DNAH6: variants seen among roughly 807,000 people sequenced by gnomAD.
DNAH6 encodes axonemal beta dynein heavy chain 6.
DNAH6 carries 340 observed loss-of-function variants against 491.4 expected under a neutral mutation model. The ratio of observed to expected loss-of-function variants is 0.69; its 90% CI spans 0.63 to 0.76. The LOEUF (loss-of-function observed/expected upper bound fraction) is 0.76, where lower values mean the gene tolerates loss of function less well. DNAH6 is among the 30% of genes least tolerant of loss of function. The pLI, the probability that DNAH6 is intolerant of heterozygous loss-of-function variation, is 0.00. For synonymous variants in DNAH6, 1,603 were observed against 1,686.1 expected (o/e 0.95, Z 1.21); for missense variants, 4,443 against 4,972.2 (o/e 0.89, Z 3.20).
chr2:84,685,490 C>T lies in DNAH6; in HGVS notation c.7063+18C>T. Reference sequence around the variant, plus strand: ...AATGGCCAGTAAATATGAATCTTTACCTATTCTTTTTTTTATTTGAGTAGA... The same window carrying T: ...AATGGCCAGTAAATATGAATCTTTATCTATTCTTTTTTTTATTTGAGTAGA... On this transcript the variant is annotated intron_variant, in intron 43 of 76. Transcript: ENST00000389394. The T allele has an allele frequency of 1.5e-6, 2 of 1,375,682 alleles. No individual in the cohort carries two copies. Among genetic ancestry groups the T allele is most frequent in the South Asian group, 1.9e-5 (1 of 53,922 alleles). The allele number at this position is 1,375,682 out of a possible 1,614,324, so 85.2% of individuals were successfully genotyped here.
chr2:84,767,757 A>T (rs991413736), intron 64 of DNAH6, among the ~76,000 whole-genome samples: 3 of 152,060 alleles, frequency 2.0e-5, no homozygotes, highest in African/African-American at 7.2e-5. Flanking sequence ...ATAAACAATG[A>T]CTGAGAATTT....
chr2:84,591,580 A>T (rs1684118785), intron 16 of DNAH6, among the ~76,000 whole-genome samples: 1 of 152,206 alleles, frequency 6.6e-6, no homozygotes, highest in Non-Finnish European at 1.5e-5. Flanking sequence ...TTTCCCAATG[A>T]CATTTTCTAA....
At chr2:84,518,094 G>A (rs983610050) in intron 2 of DNAH6, 43 bp downstream of exon 2, 4 of 1,448,080 alleles carry the variant, frequency 2.8e-6, no homozygotes, top group Non-Finnish European at 2.8e-6. Flanking sequence ...AGCCACAGAG[G>A]AAGTTGTAAA....
chr2:84,571,058 G>A lies in DNAH6; in HGVS notation c.1804-2409G>A, dbSNP rs1443446415. 1.3e-5 allele frequency among the ~76,000 whole-genome samples: 2 copies of A among 152,228 alleles called. 1 individual carries two copies. Among genetic ancestry groups the A allele is most frequent in the South Asian group, 4.1e-4 (2 of 4,824 alleles). ...ACCGGAAGGAACCAATTCTGGACAC[G>A]CTGGGACAATTTGATCACTACCAAA... On this transcript the variant is annotated intron_variant, in intron 11 of 76. Coordinates refer to ENST00000389394, the MANE Select transcript of DNAH6 (RefSeq NM_001370.2).
rs900075159 is a variant in DNAH6 at position 84,699,515 on chromosome 2, C to G, written c.7678-79C>G. 27 of 1,256,366 alleles carry G rather than the reference C, an allele frequency of 2.1e-5. No individual in the cohort carries two copies. In the South Asian group the frequency reaches 3.0e-4, roughly 14 times the overall value. The allele number at this position is 1,256,366 out of a possible 1,614,324, so 77.8% of individuals were successfully genotyped here. ...ATTTTATATTTGATATTGGGAGCCT[C>G]AGATGCATTAGCCAACACTTATTTT... On this transcript the variant is annotated intron_variant, in intron 47 of 76. Coordinates refer to ENST00000389394, the MANE Select transcript of DNAH6 (RefSeq NM_001370.2).
intron 63 of DNAH6, among the ~76,000 whole-genome samples, chr2:84,752,133 C>G (rs1167571754): frequency 6.6e-6 from 1 of 152,102 alleles, no homozygotes; most frequent in Non-Finnish European, 1.5e-5. Flanking sequence ...TGTTGAAAAC[C>G]ATAGAGAAAC....
At chr2:84,817,158 C>T (rs565283582) in intron 76 of DNAH6, among the ~76,000 whole-genome samples, 4 of 151,028 alleles carry the variant, frequency 2.6e-5, no homozygotes, top group African/African-American at 9.7e-5. Flanking sequence ...CTAGATATAC[C>T]AAAGTGATAC....
At chr2:84,756,572 C>T (rs1412516299) in intron 63 of DNAH6, among the ~76,000 whole-genome samples, 5 of 152,172 alleles carry the variant, frequency 3.3e-5, no homozygotes, top group Non-Finnish European at 5.9e-5. Context: ...TCACCTAATA[C>T]ACTATAGCTT....
At position 84,536,415 on chromosome 2, in the gene DNAH6, C is replaced by T. The variant is rs142934516; in HGVS notation, c.662+7249C>T. On this transcript the variant is annotated intron_variant, in intron 4 of 76. Transcript: ENST00000389394. The stretch of plus-strand genomic sequence containing the variant: ...GACAGCAAAAATTCAACTTGGGAAA[C>T]GTAATGTTTAAAATGGTTCTCATGA... Among the ~76,000 whole-genome samples the T allele has an allele frequency of 2.9e-3, 437 of 152,092 alleles. 3 individuals carry two copies. The highest frequency in any genetic ancestry group is 0.01 in the African/African-American group (418 of 41,544).
chr2:84,574,864 C>T (rs1028482728), intron 12 of DNAH6, among the ~76,000 whole-genome samples: 1 of 152,210 alleles, frequency 6.6e-6, no homozygotes, highest in Admixed American at 6.5e-5. Flanking sequence ...TCCTAGCCTC[C>T]TGCTACCACA....
intron 45 of DNAH6, among the ~76,000 whole-genome samples, chr2:84,690,319 T>C (rs1211295432): frequency 1.3e-5 from 2 of 152,240 alleles, no homozygotes; most frequent in Non-Finnish European, 2.9e-5. Context: ...GATTTATGTT[T>C]GTCACAGCTT....
chr2:84,569,449 T>A (rs1681556130), intron 11 of DNAH6, among the ~76,000 whole-genome samples: 1 of 152,046 alleles, frequency 6.6e-6, no homozygotes, highest in Non-Finnish European at 1.5e-5. Flanking sequence ...AAGTGACTAT[T>A]TTCTGAGTAT....
At chr2:84,611,420 C>T (rs1389381296) in intron 21 of DNAH6, among the ~76,000 whole-genome samples, 1 of 152,000 alleles carries the variant, frequency 6.6e-6, no homozygotes. Context: ...GTATTTTAAT[C>T]ATGTTTCTCT....
chr2:84,607,021 T>A lies in DNAH6; in HGVS notation c.3220T>A (p.Ser1074Thr). The change falls in exon 21 of 77, where the codon TCA becomes ACA. Residue 1074 changes from serine to threonine, a missense_variant. Ser to Thr is a moderately conservative substitution (Grantham distance 58). Coordinates refer to ENST00000389394, the MANE Select transcript of DNAH6 (RefSeq NM_001370.2). ...CATCAATGTTGCAACTCTTGCCTCATCACGTTACCTTGGTCCACTGAAAAC... is the reference window on the plus strand; with the variant it reads ...CATCAATGTTGCAACTCTTGCCTCAACACGTTACCTTGGTCCACTGAAAAC... ...STINVATLAS[S>T]RYLGPLKTRV... is the part of the protein sequence containing the mutation. The A allele has an allele frequency of 6.4e-7, 1 of 1,551,510 alleles. No homozygotes were observed. Among genetic ancestry groups the A allele is most frequent in the East Asian group, 2.4e-5 (1 of 40,898 alleles).
At chr2:84,468,858 A>T in the DNAH6 span, among the ~76,000 whole-genome samples, 1 of 152,182 alleles carries the variant, frequency 6.6e-6, no homozygotes, top group Admixed American at 6.5e-5. Flanking sequence ...GAAGGCAGAG[A>T]CCAAGAGAAA....
Position 84,706,989 on chromosome 2 carries a change from G to A in DNAH6, c.8821G>A (p.Asp2941Asn). ...AATACAGGCCTTACAAGATGAATAT[G>A]ACAAAGGTGTAAATGAAAAAGAAAG... ...DQIQALQDEY[D>N]KGVNEKESLA... Residue 2941 changes from aspartate to asparagine, a missense_variant, in exon 53 of 77, where the codon GAC becomes AAC. This residue lies in a region of DNAH6 where 1,463 missense variants were observed against 1,656.6 expected (regional missense o/e 0.88). Coordinates refer to ENST00000389394, the MANE Select transcript of DNAH6 (RefSeq NM_001370.2). The A allele has an allele frequency of 1.3e-6, 2 of 1,528,698 alleles. No individual in the cohort carries two copies. Among genetic ancestry groups the A allele is most frequent in the Non-Finnish European group, 1.8e-6 (2 of 1,142,036 alleles). The allele number at this position is 1,528,698 out of a possible 1,614,324, so 94.7% of individuals were successfully genotyped here. A position where few individuals can be genotyped will look rare whatever the true frequency, so the allele number is the denominator to read the frequency against.
intron 11 of DNAH6, among the ~76,000 whole-genome samples, chr2:84,563,840 A>G (rs930936864): frequency 6.6e-6 from 1 of 152,198 alleles, no homozygotes; most frequent in Non-Finnish European, 1.5e-5. Flanking sequence ...TTGTACATTT[A>G]AATCTTTAAT....
intron 10 of DNAH6, among the ~76,000 whole-genome samples, chr2:84,556,972 C>A (rs1461762683): frequency 6.6e-6 from 1 of 152,202 alleles, no homozygotes; most frequent in Non-Finnish European, 1.5e-5. Context: ...TTAAGGGTTT[C>A]TCTAATTAGT....
chr2:84,783,547 G>T (rs576311582), intron 65 of DNAH6, among the ~76,000 whole-genome samples: 1 of 152,260 alleles, frequency 6.6e-6, no homozygotes, highest in East Asian at 1.9e-4. Flanking sequence ...TCTAGAATTT[G>T]GTAGAACTAA....
Sources: gnomAD v4.1 joint callset for allele counts (sites outside exome capture counted in the v4.1 genomes callset) on GRCh38, gnomAD v4.1.1 for gene constraint, gnomAD v4.1.1 regional missense constraint, MANE v1.5 for transcripts, NCBI Gene and HGNC (gene_info 2026-07-23, HGNC 2026-07-21) for gene names.